The following SLC6A3 variants were observed in gnomAD, a reference collection of about 807,000 sequenced individuals.
The protein encoded by SLC6A3 is sodium-dependent dopamine transporter.
In SLC6A3, 19 loss-of-function variants were observed where a neutral mutation model predicts 70.4. The ratio of observed to expected loss-of-function variants is 0.27; its 90% CI spans 0.19 to 0.40. The LOEUF is 0.40. Ranked by LOEUF, SLC6A3 falls within the 10% of genes least tolerant of loss-of-function variation. The pLI, the probability that SLC6A3 is intolerant of heterozygous loss-of-function variation, is 1.00. For synonymous variants in SLC6A3, 368 were observed against 356.6 expected, an observed-to-expected ratio of 1.03 and a Z score of -0.36; for missense variants, 613 against 838.5, an observed-to-expected ratio of 0.73 and a Z score of 3.32.
At chr5:1,409,659 GC>G in intron 10 of SLC6A3, 61 bp downstream of exon 10, 2 of 1,600,552 alleles carry the variant, frequency 1.2e-6, no homozygotes, top group Admixed American at 3.3e-5. Flanking sequence ...CAGCCAGGGC[GC>G]CCCGTGCCAC....
At position 1,414,834 on chromosome 5, in the gene SLC6A3, C is replaced by T. The variant is rs1756242930; in HGVS notation, c.1032-19G>A. 6.2e-7 allele frequency: 1 copy of T among 1,612,638 alleles called. No individual in the cohort carries two copies. The highest frequency in any genetic ancestry group is 8.5e-7 in the Non-Finnish European group (1 of 1,179,806). ...CGCGTCCCTGTAAGAACAAGACACG[C>T]CGTCTCAGGAACCAGCTGAGCTGCA... On this transcript the variant is annotated intron_variant, in intron 7 of 14. Coordinates refer to ENST00000270349, the MANE Select transcript of SLC6A3 (RefSeq NM_001044.5).
chr5:1,421,946 G>A lies in SLC6A3; in HGVS notation c.722C>T (p.Thr241Ile), dbSNP rs1756446648. 6.2e-7 allele frequency: 1 copy of A among 1,613,068 alleles called. No individual in the cohort carries two copies. Among genetic ancestry groups the A allele is most frequent in the African/African-American group, 1.3e-5 (1 of 74,934 alleles). The change falls in exon 5 of 15, where the codon ACA becomes ATA. Residue 241 changes from threonine to isoleucine, a missense_variant. Thr to Ile is a moderately conservative substitution (Grantham distance 89, BLOSUM62 -1). Transcript: ENST00000270349. The surrounding 1 kb of genome is among the most constrained non-coding windows in gnomAD (Gnocchi z 7.2). Reference protein sequence around the residue: ...DDLGPPRWQLTACLVLVIVLL... With the variant: ...DDLGPPRWQLIACLVLVIVLL... ...CACGATGACCAGCACCAGGCAGGCTGTGAGCTGCCACCGCGGAGGCCCCAG... is the reference window on the plus strand; with the variant it reads ...CACGATGACCAGCACCAGGCAGGCTATGAGCTGCCACCGCGGAGGCCCCAG...
chr5:1,402,098 C>T lies in SLC6A3; in HGVS notation c.1767+824G>A, dbSNP rs572722917. On this transcript the variant is annotated intron_variant, in intron 13 of 14. Coordinates refer to ENST00000270349, the MANE Select transcript of SLC6A3 (RefSeq NM_001044.5). The surrounding 1 kb of genome is among the most constrained non-coding windows in gnomAD (Gnocchi z 8.5). ...CACCGTGTGGCCCTAAGGTGGAATC[C>T]TTGAACACAGCTGGTGCTGCTCTGG... is the stretch of plus-strand genomic sequence containing the variant. Among the ~76,000 whole-genome samples, 12 of 152,232 alleles carry T rather than the reference C, an allele frequency of 7.9e-5. No individual in the cohort carries two copies. The highest frequency in any genetic ancestry group is 1.6e-4 in the Non-Finnish European group (11 of 67,994).
At position 1,402,585 on chromosome 5, in the gene SLC6A3, C is replaced by A. The variant is rs1053967857; in HGVS notation, c.1767+337G>T. Among the ~76,000 whole-genome samples the A allele has an allele frequency of 6.6e-6, 1 of 152,216 alleles. No individual in the cohort carries two copies. Among genetic ancestry groups the A allele is most frequent in the East Asian group, 1.9e-4 (1 of 5,184 alleles). On this transcript the variant is annotated intron_variant, in intron 13 of 14. Coordinates refer to ENST00000270349, the MANE Select transcript of SLC6A3 (RefSeq NM_001044.5). This position sits in a 1 kb window ranked among gnomAD's most constrained non-coding sequence, Gnocchi z 8.5. ...GTGAGCACAGACCCAGGCCCACACA[C>A]ACGTGCACACGGAGACAGCACATAC...
intron 14 of SLC6A3, among the ~76,000 whole-genome samples, chr5:1,399,679 G>A (rs1277814114): frequency 6.6e-6 from 1 of 152,178 alleles, no homozygotes; most frequent in African/African-American, 2.4e-5. Flanking sequence ...GGGATGCCTG[G>A]ACACGCCTCC....
At chr5:1,422,417 T>C (rs1334015703) in intron 4 of SLC6A3, among the ~76,000 whole-genome samples, 1 of 143,852 alleles carries the variant, frequency 7.0e-6, no homozygotes, top group Admixed American at 6.9e-5. Flanking sequence ...CCCACGGTGC[T>C]GCCCACGCTG....
chr5:1,433,646 T>C (rs1211722017), intron 3 of SLC6A3, among the ~76,000 whole-genome samples: 11 of 148,546 alleles, frequency 7.4e-5, no homozygotes, highest in Admixed American at 4.7e-4. Flanking sequence ...CATCCACCCC[T>C]GGCCATCCAC....
chr5:1,403,965 T>C (rs1755911451), intron 12 of SLC6A3, among the ~76,000 whole-genome samples: 1 of 152,282 alleles, frequency 6.6e-6, no homozygotes, highest in Non-Finnish European at 1.5e-5. Context: ...ACATGTGTAC[T>C]GCACGCCTAC....
chr5:1,392,852 A>T lies in SLC6A3; in HGVS notation c.*1883T>A, dbSNP rs903950684. The stretch of plus-strand genomic sequence containing the variant: ...GGGACCCACACGATGCTGAATAGAG[A>T]TTGGTCAACAGACACGGACAACACC... On this transcript the variant is annotated 3_prime_UTR_variant, in exon 15 of 15. Transcript: ENST00000270349. 2 of 152,086 alleles carry T rather than the reference A, an allele frequency of 1.3e-5. No homozygotes were observed. Among genetic ancestry groups the T allele is most frequent in the African/African-American group, 2.4e-5 (1 of 41,282 alleles). 9.4% of individuals were successfully genotyped at this position (152,086 alleles called of 1,614,324 possible). A position where few individuals can be genotyped will look rare whatever the true frequency, so the allele number is the denominator to read the frequency against.
intron 4 of SLC6A3, among the ~76,000 whole-genome samples, chr5:1,425,733 T>G (rs1290868133): frequency 6.6e-6 from 1 of 152,124 alleles, no homozygotes; most frequent in African/African-American, 2.4e-5. Flanking sequence ...AACTACAGAA[T>G]GAGAGAAAAT....
Position 1,394,322 on chromosome 5 carries a change from T to G in SLC6A3, c.*413A>C. 7 of 336,614 alleles carry G rather than the reference T, an allele frequency of 2.1e-5. No individual in the cohort carries two copies. In the South Asian group the frequency reaches 2.4e-4, roughly 12 times the overall value. The allele number at this position is 336,614 out of a possible 1,614,324, so 20.9% of individuals were successfully genotyped here. A position where few individuals can be genotyped will look rare whatever the true frequency, so the allele number is the denominator to read the frequency against. On this transcript the variant is annotated 3_prime_UTR_variant, in exon 15 of 15. Transcript: ENST00000270349. The surrounding 1 kb of genome is among the most constrained non-coding windows in gnomAD (Gnocchi z 4.7). ...AAGTAAATGGTCTAGGAAGCTACTG[T>G]GAGCACGGGGATTCTCAGCAGGTGC... is the stretch of plus-strand genomic sequence containing the variant.
Position 1,402,904 on chromosome 5 carries a change from C to G in SLC6A3, c.1767+18G>C. On this transcript the variant is annotated intron_variant, in intron 13 of 14. Transcript: ENST00000270349. The surrounding 1 kb of genome is among the most constrained non-coding windows in gnomAD (Gnocchi z 8.5). ...GTGGCCTCACACTCGGGTGAAGGCG[C>G]CCCGTCCAAATACCCACCTCTCGAA... 6.2e-7 allele frequency: 1 copy of G among 1,612,096 alleles called. No individual in the cohort carries two copies. The highest frequency in any genetic ancestry group is 8.5e-7 in the Non-Finnish European group (1 of 1,179,834).
At position 1,397,128 on chromosome 5, in the gene SLC6A3, G is replaced by A. The variant is rs1450062465; in HGVS notation, c.1840-2370C>T. ...GTGAGGTAAGAGACCTGGAGGACCTGGGGCAAAGTGGACACACCAGAGCCT... is the reference window on the plus strand; with the variant it reads ...GTGAGGTAAGAGACCTGGAGGACCTAGGGCAAAGTGGACACACCAGAGCCT... On this transcript the variant is annotated intron_variant, in intron 14 of 14. Transcript: ENST00000270349. The surrounding 1 kb of genome is among the most constrained non-coding windows in gnomAD (Gnocchi z 4.7). 1.3e-5 allele frequency among the ~76,000 whole-genome samples: 2 copies of A among 152,214 alleles called. No homozygotes were observed. Among genetic ancestry groups the A allele is most frequent in the African/African-American group, 4.8e-5 (2 of 41,448 alleles).
At position 1,402,711 on chromosome 5, in the gene SLC6A3, CAT is replaced by C. The variant is rs1274587837; in HGVS notation, c.1767+209_1767+210del. Among the ~76,000 whole-genome samples, 1 of 152,148 alleles carries C rather than the reference CAT, an allele frequency of 6.6e-6. No homozygotes were observed. Among genetic ancestry groups the C allele is most frequent in the African/African-American group, 2.4e-5 (1 of 41,432 alleles). On this transcript the variant is annotated intron_variant, in intron 13 of 14. Transcript: ENST00000270349. The surrounding 1 kb of genome is among the most constrained non-coding windows in gnomAD (Gnocchi z 8.5). ...ATGTGGACATACTTAAAGACACACACATGAATACACATATGGACGCACACCCA... is the reference window on the plus strand; with the variant it reads ...ATGTGGACATACTTAAAGACACACACGAATACACATATGGACGCACACCCA...
intron 4 of SLC6A3, among the ~76,000 whole-genome samples, chr5:1,430,985 G>A (rs184326819): frequency 4.3e-4 from 66 of 152,356 alleles, no homozygotes; most frequent in African/African-American, 1.5e-3. Context: ...AATAAGATGC[G>A]TCTAACCAGG....
In SLC6A3 at chr5:1,436,207, C is replaced by A. The variant is rs561071214; in HGVS notation, c.419-3509G>T. The stretch of plus-strand genomic sequence containing the variant: ...CAGAGCCCGTGACCTGGGCCACTGA[C>A]GTGTAGCCCCTCACCAACCAGCCAA... On this transcript the variant is annotated intron_variant, in intron 3 of 14. Coordinates refer to ENST00000270349, the MANE Select transcript of SLC6A3 (RefSeq NM_001044.5). This position sits in a 1 kb window ranked among gnomAD's most constrained non-coding sequence, Gnocchi z 5.2. 1.3e-5 allele frequency among the ~76,000 whole-genome samples: 2 copies of A among 152,358 alleles called. No homozygotes were observed. The highest frequency in any genetic ancestry group is 2.1e-4 in the South Asian group (1 of 4,832).
rs898513480 is a variant in SLC6A3, at chr5:1,436,516, T to C, written c.419-3818A>G. On this transcript the variant is annotated intron_variant, in intron 3 of 14. Coordinates refer to ENST00000270349, the MANE Select transcript of SLC6A3 (RefSeq NM_001044.5). This position sits in a 1 kb window ranked among gnomAD's most constrained non-coding sequence, Gnocchi z 5.2. Reference sequence around the variant, plus strand: ...CTCCCAGGAAGCTCGGCGCTAAGTGTGAATTTCAAGCATAGCTTTTAAGGC... The same window carrying C: ...CTCCCAGGAAGCTCGGCGCTAAGTGCGAATTTCAAGCATAGCTTTTAAGGC... Among the ~76,000 whole-genome samples, 6 of 152,220 alleles carry C rather than the reference T, an allele frequency of 3.9e-5. No homozygotes were observed. Among genetic ancestry groups the C allele is most frequent in the African/African-American group, 1.4e-4 (6 of 41,460 alleles).
At chr5:1,439,461 C>T (rs903215759) in intron 3 of SLC6A3, among the ~76,000 whole-genome samples, 1 of 152,210 alleles carries the variant, frequency 6.6e-6, no homozygotes, top group African/African-American at 2.4e-5. Context: ...GAATGAGTCT[C>T]GTGCCTGGGA....
In SLC6A3 at chr5:1,396,756, TTC is replaced by T. The variant is rs1175326625; in HGVS notation, c.1840-2000_1840-1999del. On this transcript the variant is annotated intron_variant, in intron 14 of 14. Coordinates refer to ENST00000270349, the MANE Select transcript of SLC6A3 (RefSeq NM_001044.5). The surrounding 1 kb of genome is among the most constrained non-coding windows in gnomAD (Gnocchi z 7.0). ...TCCCCCAGCCAGGAGAATGTCATGA[TTC>T]TCGGGGATCTGCATGGGGTGTGCAT... is the stretch of plus-strand genomic sequence containing the variant. Among the ~76,000 whole-genome samples the T allele has an allele frequency of 6.6e-6, 1 of 152,168 alleles. No individual in the cohort carries two copies. Among genetic ancestry groups the T allele is most frequent in the Non-Finnish European group, 1.5e-5 (1 of 68,028 alleles).
Sources: allele counts gnomAD v4.1 joint callset (sites outside exome capture counted in the v4.1 genomes callset), GRCh38; gene constraint gnomAD v4.1.1; non-coding constraint Gnocchi (gnomAD v3.1); transcripts MANE v1.5; gene names NCBI Gene and HGNC (gene_info 2026-07-23, HGNC 2026-07-21).